Variants in ROBO2 observed in about 807,000 individuals in gnomAD.
The protein encoded by ROBO2 is roundabout guidance receptor 2, also known as roundabout homolog 2.
ROBO2 carries 53 observed loss-of-function variants against 160.8 expected under a neutral mutation model. That is an observed-to-expected ratio of 0.33 (90% CI 0.26 to 0.41). ROBO2 has a LOEUF of 0.41. Among genes scored for constraint, ROBO2 ranks in the 10% least tolerant of loss-of-function variants. ROBO2 has a pLI of 1.00. For synonymous variants in ROBO2, 664 were observed against 611.7 expected, an observed-to-expected ratio of 1.09 and a Z score of -1.26; for missense variants, 1,577 against 1,722.4, an observed-to-expected ratio of 0.92 and a Z score of 1.49.
chr3:76,635,524 G>A (rs1184194922), intron 2 of ROBO2, among the ~76,000 whole-genome samples: 1 of 152,196 alleles, frequency 6.6e-6, no homozygotes, highest in Non-Finnish European at 1.5e-5. Context: ...TGTCTGAAAA[G>A]CAGGAGGTAC....
intron 2 of ROBO2, among the ~76,000 whole-genome samples, chr3:76,057,539 C>A (rs1042233831): frequency 6.6e-6 from 1 of 152,094 alleles, no homozygotes; most frequent in African/African-American, 2.4e-5. Flanking sequence ...CTTCTGCATT[C>A]GGAATTATCC....
At chr3:76,289,304 G>A (rs535565863) in intron 2 of ROBO2, among the ~76,000 whole-genome samples, 124 of 152,244 alleles carry the variant, frequency 8.1e-4, no homozygotes, top group African/African-American at 2.8e-3. Context: ...CCTTTGAGAC[G>A]TGTCTGTTTA....
At chr3:76,529,453 TAAC>T (rs1190744754) in intron 2 of ROBO2, among the ~76,000 whole-genome samples, 3 of 152,072 alleles carry the variant, frequency 2.0e-5, no homozygotes, top group Non-Finnish European at 4.4e-5. Flanking sequence ...AAAAACAAGA[TAAC>T]AATAATAATG....
chr3:76,288,430 A>G (rs1446663931), intron 2 of ROBO2, among the ~76,000 whole-genome samples: 1 of 152,072 alleles, frequency 6.6e-6, no homozygotes. Flanking sequence ...AATCATTCCC[A>G]TTAATGAAGG....
intron 2 of ROBO2, among the ~76,000 whole-genome samples, chr3:77,358,588 A>G (rs1185684107): frequency 6.6e-6 from 1 of 152,208 alleles, no homozygotes; most frequent in Non-Finnish European, 1.5e-5. Flanking sequence ...TTGAGCATTT[A>G]AAATAAATTA....
chr3:76,292,433 A>T (rs572081539), intron 2 of ROBO2, among the ~76,000 whole-genome samples: 1 of 152,314 alleles, frequency 6.6e-6, no homozygotes, highest in East Asian at 1.9e-4. Flanking sequence ...GTCTACGATG[A>T]GTGAGTCTTC....
At chr3:77,403,632 CCATT>C (rs1308474975) in intron 2 of ROBO2, among the ~76,000 whole-genome samples, 1 of 135,718 alleles carries the variant, frequency 7.4e-6, no homozygotes, top group Non-Finnish European at 1.6e-5. Context: ...TTTTTTTTAT[CCATT>C]CATTTATTAA....
intron 2 of ROBO2, among the ~76,000 whole-genome samples, chr3:76,258,921 T>C (rs1171836547): frequency 6.6e-6 from 1 of 152,122 alleles, no homozygotes; most frequent in Non-Finnish European, 1.5e-5. Flanking sequence ...TATTGTTTCC[T>C]TTATTTTGGA....
intron 2 of ROBO2, among the ~76,000 whole-genome samples, chr3:76,038,853 C>T (rs2067198678): frequency 6.6e-6 from 1 of 151,676 alleles, no homozygotes; most frequent in South Asian, 2.1e-4. Flanking sequence ...TAATCTTACA[C>T]TGTCAATAAA....
chr3:77,141,653 G>A (rs9682089), intron 2 of ROBO2, among the ~76,000 whole-genome samples: 21,578 of 152,080 alleles, frequency 0.14, 2,273 homozygotes, highest in East Asian at 0.3. Context: ...TAAGGTTCTA[G>A]TTGGATAGCA....
chr3:76,261,963 T>C (rs958413218), intron 2 of ROBO2, among the ~76,000 whole-genome samples: 1 of 152,158 alleles, frequency 6.6e-6, no homozygotes, highest in African/African-American at 2.4e-5. Context: ...GCATGGCTCA[T>C]TGAAATACAA....
At chr3:76,610,415 C>T (rs997643640) in intron 2 of ROBO2, among the ~76,000 whole-genome samples, 1 of 152,224 alleles carries the variant, frequency 6.6e-6, no homozygotes, top group East Asian at 1.9e-4. Flanking sequence ...GCTGGAACGG[C>T]GTGGGGTGAG....
At chr3:76,407,698 TTTAA>T (rs1400064236) in intron 2 of ROBO2, among the ~76,000 whole-genome samples, 9 of 152,018 alleles carry the variant, frequency 5.9e-5, no homozygotes, top group East Asian at 1.9e-4. Context: ...TGGAATTATG[TTTAA>T]TTATTTTTTT....
intron 2 of ROBO2, among the ~76,000 whole-genome samples, chr3:76,188,846 G>C (rs945063174): frequency 6.6e-6 from 1 of 151,964 alleles, no homozygotes; most frequent in African/African-American, 2.4e-5. Context: ...AATCATCAAT[G>C]CATTATTTGC....
At chr3:77,302,230 C>T (rs1202518658) in intron 2 of ROBO2, among the ~76,000 whole-genome samples, 1 of 151,828 alleles carries the variant, frequency 6.6e-6, no homozygotes, top group African/African-American at 2.4e-5. Context: ...GTTTGAGCCA[C>T]CAAACCTGAC....
chr3:77,325,194 A>AAAT (rs1260263655), intron 2 of ROBO2, among the ~76,000 whole-genome samples: 1 of 152,198 alleles, frequency 6.6e-6, no homozygotes, highest in Admixed American at 6.5e-5. Flanking sequence ...TCAGGGAAAA[A>AAAT]AATATATTCT....
intron 2 of ROBO2, among the ~76,000 whole-genome samples, chr3:76,063,334 C>A (rs898049713): frequency 2.7e-5 from 4 of 149,608 alleles, no homozygotes; most frequent in Non-Finnish European, 5.9e-5. Flanking sequence ...TTTTATGCTG[C>A]CCTCCTCCCT....
At chr3:77,346,352 A>G (rs2067630185) in intron 2 of ROBO2, among the ~76,000 whole-genome samples, 1 of 152,152 alleles carries the variant, frequency 6.6e-6, no homozygotes, top group Admixed American at 6.6e-5. Flanking sequence ...CAGTTGTACT[A>G]ATAATAGAAT....
At chr3:76,214,830 G>T (rs951575359) in intron 2 of ROBO2, among the ~76,000 whole-genome samples, 1 of 152,208 alleles carries the variant, frequency 6.6e-6, no homozygotes, top group Non-Finnish European at 1.5e-5. Flanking sequence ...CTCCCAGCAC[G>T]CAGCTGGAGA....
Sources: allele counts gnomAD v4.1 joint callset (sites outside exome capture counted in the v4.1 genomes callset), GRCh38; gene constraint gnomAD v4.1.1; transcripts MANE v1.5; gene names NCBI Gene and HGNC (gene_info 2026-07-23, HGNC 2026-07-21).